The following DNAH11 variants were observed in gnomAD, a reference collection of about 807,000 sequenced individuals.
DNAH11 encodes the protein axonemal beta dynein heavy chain 11.
Under a neutral mutation model 526.0 loss-of-function variants are expected in DNAH11, and 442 were observed. The ratio of observed to expected loss-of-function variants is 0.84; its 90% CI spans 0.78 to 0.91. The LOEUF (loss-of-function observed/expected upper bound fraction) is 0.91. DNAH11 is among the 40% of genes least tolerant of loss of function. The pLI is 0.00. For missense variants in DNAH11, 6,989 were observed against 5,448.7 expected (o/e 1.28, Z -8.90); for synonymous variants, 2,461 against 1,935.9 (o/e 1.27, Z -7.12).
At chr7:21,777,110 C>G (rs1172803703) in intron 56 of DNAH11, among the ~76,000 whole-genome samples, 1 of 152,140 alleles carries the variant, frequency 6.6e-6, no homozygotes, top group Non-Finnish European at 1.5e-5. Flanking sequence ...CCTCCTGAAT[C>G]CTAGTTCCTG....
At position 21,884,297 on chromosome 7, in the gene DNAH11, T is replaced by G; in HGVS notation, c.12394T>G (p.Trp4132Gly). The change falls in exon 76 of 82, where the codon TGG becomes GGG. Residue 4132 changes from tryptophan to glycine, a missense_variant. Coordinates refer to ENST00000409508, the MANE Select transcript of DNAH11 (RefSeq NM_001277115.2). Reference protein sequence around the residue: ...NYLEANSKVPWEDLRYLFGEI... With the variant: ...NYLEANSKVPGEDLRYLFGEI... ...TGTGTGGTTTTCTCCACAGGTCCCATGGGAAGATCTCCGTTATCTCTTTGG... is the reference window on the plus strand; with the variant it reads ...TGTGTGGTTTTCTCCACAGGTCCCAGGGGAAGATCTCCGTTATCTCTTTGG... 4 of 1,605,988 alleles carry G rather than the reference T, an allele frequency of 2.5e-6. No homozygotes were observed. The highest frequency in any genetic ancestry group is 3.4e-6 in the Non-Finnish European group (4 of 1,176,852).
At chr7:21,735,562 A>G in intron 45 of DNAH11, 78 bp from the exon 46 acceptor site, 1 of 1,270,632 alleles carries the variant, frequency 7.9e-7, no homozygotes, top group Non-Finnish European at 1.1e-6. Context: ...AGTTTGATAT[A>G]AAATTTTGGA....
Position 21,545,152 on chromosome 7 carries a change from A to T in DNAH11, c.495+3A>T. On this transcript the variant is annotated splice_donor_region_variant and intron_variant, in intron 2 of 81. Coordinates refer to ENST00000409508, the MANE Select transcript of DNAH11 (RefSeq NM_001277115.2). ...ATGTATCTGCTTTCCTTGATGAGGT[A>T]CTGGTCTGTCTTTAATATTTAAAGC... 1 of 1,606,926 alleles carries T rather than the reference A, an allele frequency of 6.2e-7. No homozygotes were observed. The highest frequency in any genetic ancestry group is 8.5e-7 in the Non-Finnish European group (1 of 1,176,402).
At chr7:21,639,413 C>T (rs1156997864) in intron 28 of DNAH11, among the ~76,000 whole-genome samples, 1 of 152,134 alleles carries the variant, frequency 6.6e-6, no homozygotes, top group Non-Finnish European at 1.5e-5. Context: ...GAGAAAGGGT[C>T]ACTTGGAACA....
chr7:21,637,664 A>G lies in DNAH11; in HGVS notation c.4779A>G (p.Arg1593=), dbSNP rs1250563908. Residue 1593 remains arginine (R), a synonymous_variant, in exon 27 of 82, where the codon AGA becomes AGG. Transcript: ENST00000409508. ...KVENVLEATC[R]PNLYEKLKDL... ...AAAATGTGTTAGAAGCAACGTGCAG[A>G]CCTAATCTCTATGAAAAACTTAAAG... The G allele has an allele frequency of 6.3e-7, 1 of 1,582,226 alleles. No homozygotes were observed. The highest frequency in any genetic ancestry group is 1.2e-5 in the South Asian group (1 of 85,354).
Position 21,581,978 on chromosome 7 carries a change from G to A in DNAH11, c.1667G>A (p.Cys556Tyr), listed in dbSNP as rs370752481. 10 of 1,613,166 alleles carry A rather than the reference G, an allele frequency of 6.2e-6. No homozygotes were observed. Among genetic ancestry groups the A allele is most frequent in the African/African-American group, 1.3e-5 (1 of 74,884 alleles). ...GACAGAAGGCTTGGGACAATTATTT[G>A]TGAAGCTTTCTTTAACTGCAATGGC... ...EFDRRLGTII[C>Y]EAFFNCNGLE... The change falls in exon 9 of 82, where the codon TGT (cysteine) becomes TAT (tyrosine). Residue 556 changes from cysteine to tyrosine, a missense_variant. Physicochemically the swap from Cys to Tyr is radical, Grantham distance 194. Transcript: ENST00000409508.
chr7:21,560,475 G>A (rs1337193457), intron 4 of DNAH11, among the ~76,000 whole-genome samples: 1 of 152,152 alleles, frequency 6.6e-6, no homozygotes, highest in Non-Finnish European at 1.5e-5. Context: ...GAAGCCAACA[G>A]TACAGCCTTC....
At position 21,676,052 on chromosome 7, in the gene DNAH11, G is replaced by C. The variant is rs114144800; in HGVS notation, c.5329-5494G>C. Among the ~76,000 whole-genome samples, 610 of 152,286 alleles carry C rather than the reference G, an allele frequency of 4.0e-3. 7 individuals are homozygous for C. The highest frequency in any genetic ancestry group is 0.014 in the African/African-American group (585 of 41,556). ...TTAAAACAGCTGTGATAGGAGAACA[G>C]AGAGAAGGCCAGCATGGTTAGTGAA... On this transcript the variant is annotated intron_variant, in intron 30 of 81. Coordinates refer to ENST00000409508, the MANE Select transcript of DNAH11 (RefSeq NM_001277115.2).
chr7:21,699,390 T>A (rs924018902), intron 36 of DNAH11, among the ~76,000 whole-genome samples: 1 of 152,164 alleles, frequency 6.6e-6, no homozygotes, highest in Non-Finnish European at 1.5e-5. Context: ...TATTTTAAAA[T>A]TCAGCCATAT....
intron 77 of DNAH11, 21 bp from the exon 78 acceptor site, chr7:21,894,602 T>C: frequency 1.2e-6 from 2 of 1,610,504 alleles, no homozygotes. Flanking sequence ...AGGAGCTAAA[T>C]CTTTGTGTTA....
At chr7:21,740,145 A>T (rs891452146) in intron 48 of DNAH11, among the ~76,000 whole-genome samples, 1 of 152,066 alleles carries the variant, frequency 6.6e-6, no homozygotes, top group Non-Finnish European at 1.5e-5. Context: ...TACTCTACCA[A>T]TTCATTCCTC....
Position 21,687,538 on chromosome 7 carries a change from T to C in DNAH11, c.5924+11T>C. The C allele has an allele frequency of 6.2e-7, 1 of 1,611,986 alleles. No individual in the cohort carries two copies. The highest frequency in any genetic ancestry group is 8.5e-7 in the Non-Finnish European group (1 of 1,178,982). On this transcript the variant is annotated intron_variant, in intron 34 of 81. Transcript: ENST00000409508. ...AAACAGGAAGAAGAGGTGAGTGGCA[T>C]GCAGGCTATCTCTTGTTACAAATAG...
At chr7:21,722,491 T>G (rs1430865729) in intron 44 of DNAH11, among the ~76,000 whole-genome samples, 1 of 152,226 alleles carries the variant, frequency 6.6e-6, no homozygotes, top group African/African-American at 2.4e-5. Context: ...TTGTTCACTG[T>G]AGATCAGAAA....
chr7:21,544,953 C>G (rs1782749890), intron 1 of DNAH11, 53 bp from the exon 2 acceptor site: 3 of 1,454,070 alleles, frequency 2.1e-6, no homozygotes, highest in Admixed American at 4.8e-5. Flanking sequence ...TATAGTAAAT[C>G]CTGCTTGTTA....
intron 17 of DNAH11, 104 bp from the exon 18 acceptor site, chr7:21,601,292 T>A: frequency 7.0e-7 from 1 of 1,436,644 alleles, no homozygotes. Flanking sequence ...GATAAATGTT[T>A]AATCAGGTAC....
intron 45 of DNAH11, among the ~76,000 whole-genome samples, chr7:21,731,824 G>A (rs2128487795): frequency 6.6e-6 from 1 of 152,246 alleles, no homozygotes; most frequent in South Asian, 2.1e-4. Flanking sequence ...TTGGTGACCA[G>A]GTCGATTGTT....
At chr7:21,640,532 A>G (rs1787080836) in intron 28 of DNAH11, among the ~76,000 whole-genome samples, 1 of 144,478 alleles carries the variant, frequency 6.9e-6, no homozygotes, top group Non-Finnish European at 1.5e-5. Context: ...CATATTATTT[A>G]AATACAGTGA....
chr7:21,616,321 A>G (rs917792954), intron 22 of DNAH11, 29 bp downstream of exon 22: 6 of 1,568,328 alleles, frequency 3.8e-6, no homozygotes, highest in Non-Finnish European at 5.2e-6. Context: ...TATTACAACA[A>G]TTTATCTTTC....
chr7:21,851,667 T>C (rs1477771725), intron 66 of DNAH11: 4 of 471,156 alleles, frequency 8.5e-6, no homozygotes, highest in South Asian at 6.2e-5. Context: ...GTGTAGAGAC[T>C]ACGAAGACTG....
Sources: allele counts gnomAD v4.1 joint callset (sites outside exome capture counted in the v4.1 genomes callset), GRCh38; gene constraint gnomAD v4.1.1; transcripts MANE v1.5; gene names NCBI Gene and HGNC (gene_info 2026-07-23, HGNC 2026-07-21).